Variants in TRDN observed in about 807,000 individuals in gnomAD.
The protein encoded by TRDN is triadin, also known as triadin in skeletal muscle.
A neutral mutation model predicts 149.7 loss-of-function variants in TRDN; 161 were observed. The observed-to-expected ratio is 1.08, with a 90% CI of 0.95 to 1.23. The LOEUF is 1.23. TRDN is among the 50% of genes most tolerant of loss of function. TRDN has a pLI of 0.00. For missense variants in TRDN, 896 were observed against 823.5 expected, an observed-to-expected ratio of 1.09 and a Z score of -1.08; for synonymous variants, 294 against 250.5, an observed-to-expected ratio of 1.17 and a Z score of -1.64.
chr6:123,343,511 A>G (rs1780140320), intron 21 of TRDN, among the ~76,000 whole-genome samples: 1 of 151,940 alleles, frequency 6.6e-6, no homozygotes, highest in Non-Finnish European at 1.5e-5. Context: ...AAAAAATGTT[A>G]ACTGAATAAT....
rs149316526 is a variant in TRDN at position 123,230,375 on chromosome 6, C to T, written c.1976-6244G>A. ...ACATAGGAAGGGGAACATCACACAC[C>T]GGGGCCTGTCTTGCGGTGGGAGGAG... On this transcript the variant is annotated intron_variant, in intron 38 of 40. Transcript: ENST00000334268. Among the ~76,000 whole-genome samples the T allele has an allele frequency of 2.1e-4, 32 of 151,658 alleles. No individual in the cohort carries two copies. In the East Asian group the frequency reaches 5.3e-3, roughly 25 times the overall value.
chr6:123,311,484 C>T (rs531708013), intron 24 of TRDN, among the ~76,000 whole-genome samples: 25 of 151,996 alleles, frequency 1.6e-4, no homozygotes, highest in African/African-American at 4.3e-4. Flanking sequence ...TGCCAGTAAA[C>T]GGTTGACTTT....
At position 123,491,491 on chromosome 6, in the gene TRDN, T is replaced by A. The variant is rs75383594; in HGVS notation, c.853+5702A>T. Among the ~76,000 whole-genome samples the A allele has an allele frequency of 2.8e-3, 427 of 152,262 alleles. 2 individuals carry two copies. Among genetic ancestry groups the A allele is most frequent in the African/African-American group, 9.7e-3 (403 of 41,568 alleles). The stretch of plus-strand genomic sequence containing the variant: ...CTATATTTAAATTCTTATCAAAACT[T>A]TCACTTTCCCTTTATTTCTACTCCT... On this transcript the variant is annotated intron_variant, in intron 9 of 40. Coordinates refer to ENST00000334268, the MANE Select transcript of TRDN (RefSeq NM_006073.4).
At chr6:123,443,957 G>A (rs950991195) in intron 10 of TRDN, among the ~76,000 whole-genome samples, 2 of 150,834 alleles carry the variant, frequency 1.3e-5, no homozygotes, top group Non-Finnish European at 1.5e-5. Flanking sequence ...GTAGTGTGAT[G>A]CCTCCAGCTT....
intron 23 of TRDN, among the ~76,000 whole-genome samples, chr6:123,327,298 T>C (rs887445672): frequency 6.6e-6 from 1 of 152,094 alleles, no homozygotes; most frequent in Non-Finnish European, 1.5e-5. Context: ...TAACTATATT[T>C]GGTCAGGCAA....
chr6:123,473,936 T>C (rs1392944010), intron 9 of TRDN, among the ~76,000 whole-genome samples: 2 of 151,940 alleles, frequency 1.3e-5, no homozygotes, highest in Non-Finnish European at 2.9e-5. Flanking sequence ...AAAGAGCTCC[T>C]GAAGGAAGAG....
chr6:123,322,980 A>G (rs1176413741), intron 23 of TRDN, among the ~76,000 whole-genome samples: 1 of 152,092 alleles, frequency 6.6e-6, no homozygotes, highest in Non-Finnish European at 1.5e-5. Flanking sequence ...CTTTGAGGAC[A>G]GGGAATATGT....
intron 38 of TRDN, among the ~76,000 whole-genome samples, chr6:123,238,685 T>C (rs1466966385): frequency 6.6e-6 from 1 of 152,066 alleles, no homozygotes; most frequent in East Asian, 1.9e-4. Flanking sequence ...AAAATTTAGC[T>C]CAATATTGTT....
intron 10 of TRDN, among the ~76,000 whole-genome samples, chr6:123,443,488 A>G (rs1006102071): frequency 2.6e-5 from 4 of 152,190 alleles, no homozygotes; most frequent in African/African-American, 7.2e-5. Context: ...CAGGCTAGAT[A>G]AATTCAAAGA....
At position 123,252,415 on chromosome 6, in the gene TRDN, A is replaced by G. The variant is rs1407720620; in HGVS notation, c.1972T>C (p.Ser658Pro). 6.6e-7 allele frequency: 1 copy of G among 1,519,800 alleles called. No homozygotes were observed. The highest frequency in any genetic ancestry group is 9.0e-7 in the Non-Finnish European group (1 of 1,114,052). The allele number at this position is 1,519,800 out of a possible 1,614,324, so 94.1% of individuals were successfully genotyped here. ...CATTAATACAAACCGTACTTACTTG[A>G]TACTCTTGCAGGTTTTTCTGCTAAA... ...VTKAEKPARV[S>P]KDVEDVPASK... The change falls in exon 38 of 41, where the codon TCA becomes CCA. Residue 658 changes from serine (S) to proline (P), a missense_variant. Ser to Pro is a moderately conservative substitution (Grantham distance 74). Transcript: ENST00000334268.
In TRDN at chr6:123,407,207, G is replaced by A. The variant is rs1343958615; in HGVS notation, c.1052-13530C>T. Among the ~76,000 whole-genome samples the A allele has an allele frequency of 3.9e-5, 6 of 152,296 alleles. No homozygotes were observed. In the East Asian group the frequency reaches 1.2e-3, roughly 29 times the overall value. On this transcript the variant is annotated intron_variant, in intron 12 of 40. Coordinates refer to ENST00000334268, the MANE Select transcript of TRDN (RefSeq NM_006073.4). ...AGGGGTGAAGAGAAGCAAGTCTACA[G>A]AGTGGGTTTGCATTGGTAGTTACAG...
chr6:123,464,768 G>A (rs1776687898), intron 10 of TRDN, 138 bp downstream of exon 10: 1 of 1,420,648 alleles, frequency 7.0e-7, no homozygotes, highest in African/African-American at 1.4e-5. Context: ...TTTAGGAAAA[G>A]TATAGTTTAG....
At chr6:123,290,390 G>A (rs903799398) in intron 24 of TRDN, among the ~76,000 whole-genome samples, 66 of 152,054 alleles carry the variant, frequency 4.3e-4, no homozygotes, top group African/African-American at 1.5e-3. Flanking sequence ...ATAAATAAAA[G>A]AGCACTCATA....
chr6:123,301,026 C>A (rs1778378410), intron 24 of TRDN, among the ~76,000 whole-genome samples: 1 of 152,018 alleles, frequency 6.6e-6, no homozygotes, highest in South Asian at 2.1e-4. Context: ...CTGTTCCTAG[C>A]ACAAGAAACA....
chr6:123,500,867 A>T lies in TRDN; in HGVS notation c.793+2852T>A, dbSNP rs188966893. Reference sequence around the variant, plus strand: ...GCTATACTTTCTCTGCCTGCCACAAATATCAAATAGTTGTTTTAAAAGAAA... The same window carrying T: ...GCTATACTTTCTCTGCCTGCCACAATTATCAAATAGTTGTTTTAAAAGAAA... On this transcript the variant is annotated intron_variant, in intron 8 of 40. Transcript: ENST00000334268. Among the ~76,000 whole-genome samples, 35 of 152,308 alleles carry T rather than the reference A, an allele frequency of 2.3e-4. No individual in the cohort carries two copies. The East Asian group carries it at 6.4e-3, about 28-fold the overall frequency.
chr6:123,456,643 A>AT (rs1776140563), intron 10 of TRDN, among the ~76,000 whole-genome samples: 1 of 151,870 alleles, frequency 6.6e-6, no homozygotes. Context: ...TAATTTTTAT[A>AT]TTTTTTGTAG....
intron 7 of TRDN, among the ~76,000 whole-genome samples, chr6:123,508,693 T>C (rs1026198829): frequency 3.9e-5 from 6 of 152,304 alleles, no homozygotes; most frequent in East Asian, 1.9e-4. Flanking sequence ...AGGTCTACTC[T>C]TCCCCAGGAG....
chr6:123,239,183 T>A (rs184079339), intron 38 of TRDN, among the ~76,000 whole-genome samples: 1 of 152,266 alleles, frequency 6.6e-6, no homozygotes. Context: ...ATAGAAGTCA[T>A]CATATAAAGA....
intron 19 of TRDN, among the ~76,000 whole-genome samples, chr6:123,372,113 G>T (rs1021989182): frequency 3.3e-5 from 5 of 151,966 alleles, no homozygotes; most frequent in Non-Finnish European, 5.9e-5. Flanking sequence ...GCTGGTTCAG[G>T]CCTATAGATC....
Sources: gnomAD v4.1 joint callset for allele counts (sites outside exome capture counted in the v4.1 genomes callset) on GRCh38, gnomAD v4.1.1 for gene constraint, MANE v1.5 for transcripts, NCBI Gene and HGNC (gene_info 2026-07-23, HGNC 2026-07-21) for gene names.